TOR1AIP1: variants seen among roughly 807,000 people sequenced by gnomAD.
TOR1AIP1 encodes torsin 1A interacting protein 1, also known as torsin-1A-interacting protein 1.
A neutral mutation model predicts 63.3 loss-of-function variants in TOR1AIP1; 54 were observed. The observed-to-expected ratio is 0.85, with a 90% CI of 0.69 to 1.07. The LOEUF is 1.07. TOR1AIP1 is among the 50% of genes least tolerant of loss of function. The probability of loss-of-function intolerance (pLI) is 0.00; values close to 1 mark genes in which losing one functional copy is unlikely to be tolerated. For missense variants in TOR1AIP1, 736 were observed against 715.0 expected (o/e 1.03, Z -0.33); for synonymous variants, 294 against 273.5 (o/e 1.07, Z -0.74).
chr1:179,887,481 T>G (rs1462387120), intron 2 of TOR1AIP1, among the ~76,000 whole-genome samples: 1 of 152,222 alleles, frequency 6.6e-6, no homozygotes, highest in Non-Finnish European at 1.5e-5. Flanking sequence ...ATCTTGTTAT[T>G]GGAAGACTTG....
chr1:179,907,620 TATA>T (rs2148479869), intron 6 of TOR1AIP1, among the ~76,000 whole-genome samples, 200 bp from the exon 7 acceptor site: 1 of 22,870 alleles, frequency 4.4e-5, no homozygotes, highest in South Asian at 2.1e-3. Flanking sequence ...TATATATATG[TATA>T]TATATGTATA....
chr1:179,900,110 T>C lies in TOR1AIP1; in HGVS notation c.611-16T>C, dbSNP rs760544479. The C allele has an allele frequency of 6.9e-6, 11 of 1,597,856 alleles. No homozygotes were observed. The highest frequency in any genetic ancestry group is 2.2e-5 in the East Asian group (1 of 44,702). ...TGTTATATGTTTAATATTTGATGTA[T>C]GCTTTTTTCTTCTAGAAGCCACCAG... On this transcript the variant is annotated splice_polypyrimidine_tract_variant and intron_variant, in intron 3 of 9. Coordinates refer to ENST00000606911, the MANE Select transcript of TOR1AIP1 (RefSeq NM_015602.4).
intron 3 of TOR1AIP1, among the ~76,000 whole-genome samples, chr1:179,893,086 C>T (rs1271519192): frequency 6.6e-6 from 1 of 151,820 alleles, no homozygotes; most frequent in Non-Finnish European, 1.5e-5. Context: ...ACTAAAAATA[C>T]AAAAAATTAG....
intron 9 of TOR1AIP1, among the ~76,000 whole-genome samples, chr1:179,916,026 C>T (rs1240695770): frequency 6.6e-6 from 1 of 152,144 alleles, no homozygotes; most frequent in Non-Finnish European, 1.5e-5. Context: ...TTTGTGCATA[C>T]CTTCCATTTG....
intron 6 of TOR1AIP1, among the ~76,000 whole-genome samples, chr1:179,906,020 T>A (rs949018414): frequency 4.6e-5 from 7 of 152,220 alleles, no homozygotes; most frequent in Middle Eastern, 3.4e-3. Context: ...GAAAAGTTGA[T>A]CAAGATATAT....
intron 9 of TOR1AIP1, among the ~76,000 whole-genome samples, chr1:179,916,700 C>CTTTTTTTTTTTTTTTTTTTTTTTTTTTTT (rs3029850): frequency 1.1e-5 from 1 of 95,180 alleles, no homozygotes; most frequent in Non-Finnish European, 1.9e-5. Flanking sequence ...GCATCCTTTT[C>CTTTTTTTTTTTTTTTTTTTTTTTTTTTTT]TTTTTTTTTT....
chr1:179,895,183 A>G (rs542823994), intron 3 of TOR1AIP1, among the ~76,000 whole-genome samples: 2 of 152,322 alleles, frequency 1.3e-5, no homozygotes, highest in East Asian at 3.9e-4. Context: ...CCATTTGTCT[A>G]TATATTTGCT....
chr1:179,917,271 A>G (rs1216249943), intron 9 of TOR1AIP1, among the ~76,000 whole-genome samples, 181 bp from the exon 10 acceptor site: 1 of 152,224 alleles, frequency 6.6e-6, no homozygotes, highest in East Asian at 1.9e-4. Context: ...AAGCCTATGC[A>G]TGTAAGATTT....
At position 179,917,935 on chromosome 1, in the gene TOR1AIP1, C is replaced by T; in HGVS notation, c.1448C>T (p.Ser483Leu). The stretch of plus-strand genomic sequence containing the variant: ...GCAGCTGTGGTACACCGCTTTGAGT[C>T]ATTTCCCGCAGGCTCTACTTTGATC... ...QNAAVVHRFE[S>L]FPAGSTLIFY... The change falls in exon 10 of 10, where the codon TCA becomes TTA. Residue 483 changes from serine to leucine, a missense_variant. By Grantham distance (145) the Ser-to-Leu change is moderately radical. This residue lies in a region of TOR1AIP1 where 272 missense variants were observed against 344.1 expected (regional missense o/e 0.79). Coordinates refer to ENST00000606911, the MANE Select transcript of TOR1AIP1 (RefSeq NM_015602.4). 6.2e-7 allele frequency: 1 copy of T among 1,614,210 alleles called. No individual in the cohort carries two copies. Among genetic ancestry groups the T allele is most frequent in the Non-Finnish European group, 8.5e-7 (1 of 1,180,046 alleles).
Position 179,882,378 on chromosome 1 carries a change from G to A in TOR1AIP1, c.-125G>A. ...ACGCAGGCGGCGGCCCCAGCGACTC[G>A]CAACTGCCTCCCTGACCACAGCGGC... On this transcript the variant is annotated 5_prime_UTR_variant, in exon 1 of 10. Transcript: ENST00000606911. 2 of 1,021,938 alleles carry A rather than the reference G, an allele frequency of 2.0e-6. No homozygotes were observed. The highest frequency in any genetic ancestry group is 2.6e-6 in the Non-Finnish European group (2 of 762,772). 63.3% of individuals were successfully genotyped at this position (1,021,938 alleles called of 1,614,324 possible).
intron 2 of TOR1AIP1, among the ~76,000 whole-genome samples, chr1:179,887,265 G>T (rs943626638): frequency 6.6e-6 from 1 of 152,182 alleles, no homozygotes; most frequent in Admixed American, 6.5e-5. Flanking sequence ...CAGGCGTGGT[G>T]GTGGGCACCT....
At chr1:179,900,410 C>T (rs912710595) in intron 4 of TOR1AIP1, 9 of 279,226 alleles carry the variant, frequency 3.2e-5, no homozygotes, top group African/African-American at 8.8e-5. Flanking sequence ...GGTGACCTCC[C>T]GGGAGCGGGG....
At chr1:179,906,181 A>G (rs1648627862) in intron 6 of TOR1AIP1, among the ~76,000 whole-genome samples, 2 of 152,208 alleles carry the variant, frequency 1.3e-5, no homozygotes, top group South Asian at 4.1e-4. Context: ...TGAAAATATT[A>G]AAACGTATGT....
At position 179,908,637 on chromosome 1, in the gene TOR1AIP1, G is replaced by A. The variant is rs754867276; in HGVS notation, c.871G>A (p.Ala291Thr). 3 of 1,613,340 alleles carry A rather than the reference G, an allele frequency of 1.9e-6. No individual in the cohort carries two copies. The highest frequency in any genetic ancestry group is 1.3e-5 in the African/African-American group (1 of 74,984). Residue 291 changes from alanine to threonine, a missense_variant, in exon 8 of 10, where the codon GCC becomes ACC. This residue lies in a region of TOR1AIP1 where 464 missense variants were observed against 371.0 expected (regional missense o/e 1.25). Transcript: ENST00000606911. Reference protein sequence around the residue: ...SGYQKTPQEWAPQTARIRTRM... With the variant: ...SGYQKTPQEWTPQTARIRTRM... The stretch of plus-strand genomic sequence containing the variant: ...ATATCAAAAAACTCCCCAGGAATGG[G>A]CCCCACAAACTGCAAGAATAAGGAC...
At chr1:179,891,141 C>T (rs1648064667) in intron 3 of TOR1AIP1, among the ~76,000 whole-genome samples, 1 of 152,144 alleles carries the variant, frequency 6.6e-6, no homozygotes, top group African/African-American at 2.4e-5. Context: ...TCAATTTAGT[C>T]CTGCTAGTCT....
At chr1:179,905,934 C>T (rs572509709) in intron 6 of TOR1AIP1, among the ~76,000 whole-genome samples, 1 of 151,980 alleles carries the variant, frequency 6.6e-6, no homozygotes, top group South Asian at 2.1e-4. Flanking sequence ...GCCTGGGTGA[C>T]AGGGCAAGAC....
chr1:179,899,414 C>CAA (rs1648379787), intron 3 of TOR1AIP1, among the ~76,000 whole-genome samples: 1 of 152,156 alleles, frequency 6.6e-6, no homozygotes, highest in Admixed American at 6.5e-5. Flanking sequence ...GTTTCTTTAC[C>CAA]TTTCTTCCTC....
intron 5 of TOR1AIP1, among the ~76,000 whole-genome samples, chr1:179,902,037 T>C (rs1648482501): frequency 6.8e-6 from 1 of 148,074 alleles, no homozygotes; most frequent in Non-Finnish European, 1.5e-5. Flanking sequence ...TTTTTTTTTT[T>C]TTTTTTAAGG....
chr1:179,897,392 TG>T (rs1648321723), intron 3 of TOR1AIP1, among the ~76,000 whole-genome samples: 1 of 152,152 alleles, frequency 6.6e-6, no homozygotes. Context: ...TATGGAGAAA[TG>T]ACTGTTAAAT....
Sources: allele counts gnomAD v4.1 joint callset (sites outside exome capture counted in the v4.1 genomes callset), GRCh38; gene constraint gnomAD v4.1.1; regional missense constraint gnomAD v4.1.1; transcripts MANE v1.5; gene names NCBI Gene and HGNC (gene_info 2026-07-23, HGNC 2026-07-21).